UNC5C: variants seen among roughly 807,000 people sequenced by gnomAD.
The protein encoded by UNC5C is netrin receptor UNC5C.
UNC5C carries 47 observed loss-of-function variants against 99.8 expected under a neutral mutation model. The observed-to-expected ratio is 0.47, with a 90% confidence interval of 0.37 to 0.60. The LOEUF is 0.60. Ranked by LOEUF, UNC5C falls within the 20% of genes least tolerant of loss-of-function variation. The pLI is 0.00. For missense variants in UNC5C, 1,062 were observed against 1,165.9 expected (o/e 0.91, Z 1.30); for synonymous variants, 487 against 452.2 (o/e 1.08, Z -0.98).
intron 1 of UNC5C, among the ~76,000 whole-genome samples, chr4:95,476,161 A>G (rs1302649467): frequency 6.6e-6 from 1 of 152,064 alleles, no homozygotes; most frequent in African/African-American, 2.4e-5. Context: ...CCTTTTAAAC[A>G]CATCCTTTCT....
intron 4 of UNC5C, among the ~76,000 whole-genome samples, chr4:95,256,313 A>G (rs930811044): frequency 3.3e-5 from 5 of 152,086 alleles, no homozygotes; most frequent in African/African-American, 9.7e-5. Flanking sequence ...TTGTCTGATA[A>G]TGACCTCCTG....
chr4:95,331,283 A>T (rs983414103), intron 2 of UNC5C, among the ~76,000 whole-genome samples: 1 of 152,078 alleles, frequency 6.6e-6, no homozygotes, highest in Middle Eastern at 3.2e-3. Context: ...AAAACATATG[A>T]GTGCAGGTAT....
intron 12 of UNC5C, among the ~76,000 whole-genome samples, chr4:95,200,503 C>G (rs1166108961): frequency 6.6e-6 from 1 of 152,220 alleles, no homozygotes; most frequent in Non-Finnish European, 1.5e-5. Flanking sequence ...CTTACTTAAA[C>G]TTTCTGTGCC....
intron 1 of UNC5C, among the ~76,000 whole-genome samples, chr4:95,380,917 T>C (rs1256242889): frequency 6.6e-6 from 1 of 152,192 alleles, no homozygotes; most frequent in African/African-American, 2.4e-5. Context: ...GTGTGAAAGT[T>C]CATATTTTGT....
intron 2 of UNC5C, among the ~76,000 whole-genome samples, chr4:95,316,537 A>G (rs1449356671): frequency 6.6e-6 from 1 of 152,202 alleles, no homozygotes; most frequent in African/African-American, 2.4e-5. Context: ...AGGTGAAAAT[A>G]CAGATCAAGT....
chr4:95,250,715 G>C, intron 4 of UNC5C, 48 bp from the exon 5 acceptor site: 2 of 1,578,684 alleles, frequency 1.3e-6, no homozygotes, highest in Middle Eastern at 3.7e-4. Context: ...TGGATCCCCT[G>C]ATGGCTGTCT....
intron 1 of UNC5C, among the ~76,000 whole-genome samples, chr4:95,453,456 G>A (rs113101710): frequency 1.3e-5 from 2 of 150,044 alleles, no homozygotes; most frequent in Admixed American, 1.3e-4. Context: ...TCAGACATCG[G>A]GAGGAAAAGA....
chr4:95,352,476 C>A (rs935018072), intron 1 of UNC5C, among the ~76,000 whole-genome samples: 9 of 152,078 alleles, frequency 5.9e-5, no homozygotes, highest in Non-Finnish European at 1.3e-4. Context: ...TTTCTTACTA[C>A]CTATCATTTT....
chr4:95,482,096 T>G (rs1390609483), intron 1 of UNC5C, among the ~76,000 whole-genome samples: 1 of 152,030 alleles, frequency 6.6e-6, no homozygotes, highest in Admixed American at 6.6e-5. Flanking sequence ...AGAAAATTTT[T>G]GCAACCTACT....
intron 4 of UNC5C, among the ~76,000 whole-genome samples, chr4:95,274,842 A>G (rs1181066163): frequency 3.3e-5 from 5 of 152,100 alleles, no homozygotes; most frequent in African/African-American, 1.2e-4. Context: ...CCTGGCCAAC[A>G]TAGTGAAACC....
intron 4 of UNC5C, among the ~76,000 whole-genome samples, chr4:95,273,978 G>C (rs1323131572): frequency 6.6e-6 from 1 of 152,108 alleles, no homozygotes; most frequent in African/African-American, 2.4e-5. Flanking sequence ...GTCACATCCA[G>C]CAGGGCCTCT....
At chr4:95,548,360 C>T (rs1448350185) in intron 1 of UNC5C, among the ~76,000 whole-genome samples, 1 of 151,966 alleles carries the variant, frequency 6.6e-6, no homozygotes, top group African/African-American at 2.4e-5. Context: ...GTATGTCACA[C>T]AGCCACCCGC....
At chr4:95,502,610 A>G (rs1721804464) in intron 1 of UNC5C, among the ~76,000 whole-genome samples, 1 of 152,160 alleles carries the variant, frequency 6.6e-6, no homozygotes, top group Non-Finnish European at 1.5e-5. Flanking sequence ...CTAGACTTAC[A>G]TTTAATCTGA....
intron 3 of UNC5C, among the ~76,000 whole-genome samples, chr4:95,280,037 A>C (rs975660043): frequency 1.3e-5 from 2 of 152,182 alleles, no homozygotes; most frequent in Admixed American, 6.5e-5. Flanking sequence ...GGCAGAGCTC[A>C]GGTGTTAATG....
chr4:95,475,478 G>A (rs1387080787), intron 1 of UNC5C, among the ~76,000 whole-genome samples: 1 of 152,050 alleles, frequency 6.6e-6, no homozygotes, highest in Non-Finnish European at 1.5e-5. Flanking sequence ...CTCTTCAGTT[G>A]ATGGATCCTC....
chr4:95,231,505 G>C (rs1321149382), intron 7 of UNC5C, among the ~76,000 whole-genome samples: 1 of 152,146 alleles, frequency 6.6e-6, no homozygotes, highest in Non-Finnish European at 1.5e-5. Flanking sequence ...TACTTGATAA[G>C]ATTGTTCCTC....
At chr4:95,353,392 T>C (rs971499289) in intron 1 of UNC5C, among the ~76,000 whole-genome samples, 1 of 151,942 alleles carries the variant, frequency 6.6e-6, no homozygotes, top group Non-Finnish European at 1.5e-5. Flanking sequence ...ACCATATCTA[T>C]CTATATCAAA....
chr4:95,438,927 T>C (rs1746868066), intron 1 of UNC5C, among the ~76,000 whole-genome samples: 1 of 152,142 alleles, frequency 6.6e-6, no homozygotes, highest in Admixed American at 6.5e-5. Flanking sequence ...CCATAATCAT[T>C]GAGGAAACCC....
At chr4:95,494,436 T>C (rs762324558) in intron 1 of UNC5C, among the ~76,000 whole-genome samples, 22 of 151,406 alleles carry the variant, frequency 1.5e-4, no homozygotes, top group South Asian at 8.3e-4. Flanking sequence ...AGAGGCCCCA[T>C]AATTTGCACT....
Sources: allele counts gnomAD v4.1 joint callset (sites outside exome capture counted in the v4.1 genomes callset), GRCh38; gene constraint gnomAD v4.1.1; transcripts MANE v1.5; gene names NCBI Gene and HGNC (gene_info 2026-07-23, HGNC 2026-07-21).